The following MPHOSPH9 variants were observed in gnomAD, a reference collection of about 807,000 sequenced individuals.
MPHOSPH9 encodes the protein M-phase phosphoprotein 9.
In MPHOSPH9, 88 loss-of-function variants were observed where a neutral mutation model predicts 145.5. That is an observed-to-expected ratio of 0.60 (90% CI 0.51 to 0.72). MPHOSPH9 has a LOEUF of 0.72. MPHOSPH9 is among the 30% of genes least tolerant of loss of function. The pLI is 0.00. For missense variants in MPHOSPH9, 1,238 were observed against 1,386.6 expected, an observed-to-expected ratio of 0.89 and a Z score of 1.70; for synonymous variants, 435 against 486.2, an observed-to-expected ratio of 0.89 and a Z score of 1.39.
chr12:123,226,679 A>C (rs1043327585), intron 3 of MPHOSPH9, among the ~76,000 whole-genome samples: 2 of 151,830 alleles, frequency 1.3e-5, no homozygotes, highest in Non-Finnish European at 2.9e-5. Context: ...CCCAGGCTGG[A>C]GTGTAGTGCT....
chr12:123,163,233 T>C (rs2044181009), intron 19 of MPHOSPH9, 99 bp from the exon 20 acceptor site: 3 of 1,267,430 alleles, frequency 2.4e-6, no homozygotes, highest in Non-Finnish European at 2.1e-6. Context: ...GAAAGGAATA[T>C]AATTTCAACG....
chr12:123,219,940 C>G (rs536196330), intron 5 of MPHOSPH9, among the ~76,000 whole-genome samples: 1 of 151,916 alleles, frequency 6.6e-6, no homozygotes, highest in African/African-American at 2.4e-5. Flanking sequence ...CCCAGCACTT[C>G]GGGAGGCCAA....
chr12:123,181,685 C>T (rs556673944), intron 13 of MPHOSPH9, among the ~76,000 whole-genome samples: 17 of 152,050 alleles, frequency 1.1e-4, no homozygotes, highest in African/African-American at 2.4e-4. Flanking sequence ...GTGCTATGAT[C>T]GTGCCACTGT....
In MPHOSPH9 at chr12:123,156,883, C is replaced by T; in HGVS notation, c.3476G>A (p.Arg1159Lys). Residue 1159 changes from arginine to lysine, a missense_variant, in exon 24 of 24, where the codon AGG (arginine) becomes AAG (lysine). This residue lies in a region of MPHOSPH9 where 393 missense variants were observed against 462.5 expected (regional missense o/e 0.85). Coordinates refer to ENST00000606320, the MANE Select transcript of MPHOSPH9 (RefSeq NM_022782.4). ...NQEALEDRLE[R>K]INRELGSVRM... The stretch of plus-strand genomic sequence containing the variant: ...AACTGAACCCAGTTCTCGATTAATC[C>T]TTTCCAAACGATCTTCCAAGGCTTC... 1.2e-6 allele frequency: 2 copies of T among 1,608,538 alleles called. No individual in the cohort carries two copies. The highest frequency in any genetic ancestry group is 1.1e-5 in the South Asian group (1 of 90,544).
intron 1 of MPHOSPH9, among the ~76,000 whole-genome samples, chr12:123,241,121 C>T (rs1406181842): frequency 6.6e-6 from 1 of 151,360 alleles, no homozygotes; most frequent in Non-Finnish European, 1.5e-5. Flanking sequence ...CCTCCTACAT[C>T]TAGGCTTTTA....
Position 123,181,168 on chromosome 12 carries a change from C to T in MPHOSPH9, c.2284G>A (p.Val762Ile), listed in dbSNP as rs776171243. 3 of 1,611,456 alleles carry T rather than the reference C, an allele frequency of 1.9e-6. No homozygotes were observed. In the Admixed American group the frequency reaches 5.0e-5, roughly 27 times the overall value. The change falls in exon 14 of 24, where the codon GTA becomes ATA. Residue 762 changes from valine (V) to isoleucine (I), a missense_variant. This residue lies in a region of MPHOSPH9 where 837 missense variants were observed against 897.5 expected (regional missense o/e 0.93). Transcript: ENST00000606320. ...YESLGKEHRR[V>I]KDALNTTENK... is the part of the protein sequence containing the mutation. Reference sequence around the variant, plus strand: ...CATGAACCATTACCCCTTACCTTTACTCTCCTGTGTTCTTTTCCAAGGGAC... The same window carrying T: ...CATGAACCATTACCCCTTACCTTTATTCTCCTGTGTTCTTTTCCAAGGGAC...
chr12:123,194,914 G>A (rs1329877440), intron 12 of MPHOSPH9, among the ~76,000 whole-genome samples: 2 of 151,566 alleles, frequency 1.3e-5, no homozygotes, highest in African/African-American at 4.8e-5. Flanking sequence ...GAGCTACCAC[G>A]CCCAGCCCAA....
intron 7 of MPHOSPH9, among the ~76,000 whole-genome samples, chr12:123,212,786 T>TTTTA (rs58302643): frequency 7.2e-6 from 1 of 139,636 alleles, no homozygotes; most frequent in Admixed American, 7.2e-5. Context: ...TTTTTTTTTT[T>TTTTA]ACTTTATCAT....
At chr12:123,206,376 C>T (rs759225439) in intron 8 of MPHOSPH9, among the ~76,000 whole-genome samples, 7 of 151,768 alleles carry the variant, frequency 4.6e-5, no homozygotes, top group African/African-American at 1.7e-4. Context: ...GCAAGAGGAT[C>T]GCCTGAGCCC....
Position 123,160,984 on chromosome 12 carries a change from C to T in MPHOSPH9, c.3382-135G>A. 1.7e-5 allele frequency: 23 copies of T among 1,320,796 alleles called. 1 individual carries two copies. The highest frequency in any genetic ancestry group is 1.7e-4 in the South Asian group (12 of 72,394). 81.8% of individuals were successfully genotyped at this position (1,320,796 alleles called of 1,614,324 possible). ...TTAATTTCCCTCTGTCAATTAGTAA[C>T]GACCACATGGCTCAAATCCGTTGCT... On this transcript the variant is annotated intron_variant, in intron 22 of 23. Transcript: ENST00000606320.
At chr12:123,168,832 T>C (rs1421601209) in intron 16 of MPHOSPH9, among the ~76,000 whole-genome samples, 2 of 151,886 alleles carry the variant, frequency 1.3e-5, no homozygotes. Context: ...AACCAAACAT[T>C]TTAGAGGCTG....
intron 8 of MPHOSPH9, among the ~76,000 whole-genome samples, chr12:123,207,921 T>G (rs767453448): frequency 6.7e-6 from 1 of 150,072 alleles, no homozygotes; most frequent in Admixed American, 6.6e-5. Flanking sequence ...ATTTACTGAA[T>G]AGTTTTATTT....
rs747234739 is a variant in MPHOSPH9 at position 123,202,845 on chromosome 12, A to G, written c.1560T>C (p.Ser520=). The G allele has an allele frequency of 4.3e-6, 7 of 1,614,216 alleles. No individual in the cohort carries two copies. The highest frequency in any genetic ancestry group is 5.9e-6 in the Non-Finnish European group (7 of 1,180,042). The change falls in exon 10 of 24, where the codon TCT becomes TCC. Residue 520 remains serine (S), a synonymous_variant. Transcript: ENST00000606320. ...PSHTKASPVD[S]WKNQTFQNES... is the part of the protein sequence containing the mutation. Reference sequence around the variant, plus strand: ...CGTTTTGGAATGTCTGATTTTTCCAAGAGTCCACCGGAGAAGCTTTTGTGT... The same window carrying G: ...CGTTTTGGAATGTCTGATTTTTCCAGGAGTCCACCGGAGAAGCTTTTGTGT...
intron 13 of MPHOSPH9, among the ~76,000 whole-genome samples, chr12:123,193,149 A>G (rs2045787528): frequency 7.2e-6 from 1 of 139,424 alleles, no homozygotes; most frequent in South Asian, 2.4e-4. Context: ...ACACACACAC[A>G]CGAACCACAT....
chr12:123,174,363 G>A (rs1176470778), intron 16 of MPHOSPH9, among the ~76,000 whole-genome samples: 2 of 145,174 alleles, frequency 1.4e-5, no homozygotes, highest in African/African-American at 4.9e-5. Context: ...CATCTAGAAA[G>A]AGACGACTCC....
chr12:123,161,415 C>A (rs1369340901), intron 21 of MPHOSPH9, 32 bp from the exon 22 acceptor site: 1 of 1,609,068 alleles, frequency 6.2e-7, no homozygotes, highest in South Asian at 1.1e-5. Flanking sequence ...GCTTATATTT[C>A]TTATCAATTT....
In MPHOSPH9 at chr12:123,210,114, G is replaced by T; in HGVS notation, c.1136C>A (p.Pro379His). The stretch of plus-strand genomic sequence containing the variant: ...TATGAACGTCTTCTCTAAAGTTTCA[G>T]GCAAAGAGTGGTGCATATCCTTTTC... ...LEEKDMHHSL[P>H]ETLEKTFISL... The change falls in exon 8 of 24, where the codon CCT (proline) becomes CAT (histidine). Residue 379 changes from proline (P) to histidine (H), a missense_variant. Around this residue, in one of 3 missense-constraint regions of MPHOSPH9, gnomAD observed 837 missense variants for 897.5 expected, o/e 0.93. Transcript: ENST00000606320. The T allele has an allele frequency of 6.2e-7, 1 of 1,611,310 alleles. No individual in the cohort carries two copies. The highest frequency in any genetic ancestry group is 1.1e-5 in the South Asian group (1 of 90,600).
At chr12:123,230,209 T>C (rs2047587990) in intron 2 of MPHOSPH9, 52 bp downstream of exon 2, 2 of 933,318 alleles carry the variant, frequency 2.1e-6, no homozygotes, top group Non-Finnish European at 3.2e-6. Flanking sequence ...GATAAACGTA[T>C]GCAAATAAGG....
chr12:123,152,664 G>A (rs1398338612), downstream of MPHOSPH9: 2 of 450,422 alleles, frequency 4.4e-6, no homozygotes, highest in East Asian at 1.4e-4. Context: ...AAAAGACTTA[G>A]TAACACAGTT....
Sources: allele counts gnomAD v4.1 joint callset (sites outside exome capture counted in the v4.1 genomes callset), GRCh38; gene constraint gnomAD v4.1.1; regional missense constraint gnomAD v4.1.1; transcripts MANE v1.5; gene names NCBI Gene and HGNC (gene_info 2026-07-23, HGNC 2026-07-21).